Variants in GAREM2 observed in about 807,000 individuals in gnomAD.
GAREM2 encodes the protein GRB2-associated and regulator of MAPK protein 2.
In GAREM2, 30 loss-of-function variants were observed where a neutral mutation model predicts 55.6. The ratio of observed to expected loss-of-function variants is 0.54; its 90% confidence interval spans 0.40 to 0.73. The LOEUF (loss-of-function observed/expected upper bound fraction) is 0.73, where lower values mean the gene tolerates loss of function less well. GAREM2 is among the 30% of genes least tolerant of loss of function. The pLI, the probability that GAREM2 is intolerant of heterozygous loss-of-function variation, is 0.00. For synonymous variants in GAREM2, 550 were observed against 569.1 expected (o/e 0.97, Z 0.48); for missense variants, 1,075 against 1,257.7 (o/e 0.85, Z 2.20).
the GAREM2 span, among the ~76,000 whole-genome samples, chr2:26,196,608 G>T: frequency 3.9e-5 from 6 of 152,252 alleles, no homozygotes; most frequent in Admixed American, 1.3e-4. Flanking sequence ...TTGCTCCCGG[G>T]CAAACCAAGA....
chr2:26,195,272 G>A, the GAREM2 span: 33 of 1,576,516 alleles, frequency 2.1e-5, no homozygotes, highest in African/African-American at 2.7e-5. Context: ...CGGAGAATGC[G>A]GGTGAGGAAC....
chr2:26,190,905 T>C, downstream of GAREM2: 1 of 420,212 alleles, frequency 2.4e-6, no homozygotes, highest in Non-Finnish European at 4.4e-6. Context: ...GTTATGTGTT[T>C]GGCTGGGTGC....
chr2:26,178,280 A>G (rs1004775560), intron 2 of GAREM2, among the ~76,000 whole-genome samples: 1 of 152,254 alleles, frequency 6.6e-6, no homozygotes, highest in African/African-American at 2.4e-5. Context: ...TAAAAAAAGC[A>G]AAAGTTGCCT....
At chr2:26,195,899 C>G in the GAREM2 span, among the ~76,000 whole-genome samples, 1 of 152,150 alleles carries the variant, frequency 6.6e-6, no homozygotes, top group South Asian at 2.1e-4. Context: ...GATTCTGATG[C>G]GTGCTAAGGT....
chr2:26,198,935 C>A, the GAREM2 span, among the ~76,000 whole-genome samples: 1 of 151,292 alleles, frequency 6.6e-6, no homozygotes, highest in South Asian at 2.1e-4. Flanking sequence ...TGCTTTTTCG[C>A]CCAGGCTAGA....
downstream of GAREM2, chr2:26,191,483 C>T: frequency 6.2e-7 from 1 of 1,614,206 alleles, no homozygotes; most frequent in Non-Finnish European, 8.5e-7. Context: ...CGAGACCAAC[C>T]TCCCAGACAA....
chr2:26,194,292 G>A (rs1324058842), downstream of GAREM2, among the ~76,000 whole-genome samples: 1 of 152,172 alleles, frequency 6.6e-6, no homozygotes, highest in Non-Finnish European at 1.5e-5. Context: ...CCTCAGAGAG[G>A]TGCAGAAACA....
chr2:26,188,079 G>A lies in GAREM2; in HGVS notation c.2447G>A (p.Arg816His), dbSNP rs1475278531. Residue 816 changes from arginine to histidine, a missense_variant, in exon 6 of 6, where the codon CGC becomes CAC. Arg to His is a conservative substitution (Grantham distance 29). Around this residue, in one of 6 missense-constraint regions of GAREM2, gnomAD observed 142 missense variants for 172.3 expected, o/e 0.82. Coordinates refer to ENST00000401533, the MANE Select transcript of GAREM2 (RefSeq NM_001168241.2). ...GCACTCTCCCTGGAGGAGGTCTCTC[G>A]CAGTCTGCGTTTCATCGGGCTCTCA... Reference protein sequence around the residue: ...LSALSLEEVSRSLRFIGLSED... With the variant: ...LSALSLEEVSHSLRFIGLSED... 9.0e-6 allele frequency: 14 copies of A among 1,548,530 alleles called. No individual in the cohort carries two copies. Among genetic ancestry groups the A allele is most frequent in the African/African-American group, 6.8e-5 (5 of 72,998 alleles).
rs1056131973 is a variant in GAREM2, at chr2:26,184,437, G to A, written c.589G>A (p.Ala197Thr). The A allele has an allele frequency of 5.0e-5, 74 of 1,478,578 alleles. No individual in the cohort carries two copies. The Admixed American group carries it at 6.4e-4, about 13-fold the overall frequency. The allele number at this position is 1,478,578 out of a possible 1,614,324, so 91.6% of individuals were successfully genotyped here. The change falls in exon 4 of 6, where the codon GCC becomes ACC. Residue 197 changes from alanine to threonine, a missense_variant. Physicochemically the swap from Ala to Thr is moderately conservative, Grantham distance 58. Transcript: ENST00000401533. ...VGGGGPASAG[A>T]AGGTGGGGAR... ...CGGCGGCGGCCCAGCGAGCGCGGGG[G>A]CCGCGGGAGGCACTGGCGGCGGGGG...
At chr2:26,184,117 C>G (rs1253812928) in intron 3 of GAREM2, 116 bp from the exon 4 acceptor site, 3 of 1,451,760 alleles carry the variant, frequency 2.1e-6, no homozygotes, top group South Asian at 2.7e-5. Flanking sequence ...CCATCTAGTC[C>G]GAGCCCCGGG....
the GAREM2 span, among the ~76,000 whole-genome samples, chr2:26,198,370 T>G: frequency 8.7e-4 from 5 of 5,726 alleles, no homozygotes; most frequent in Admixed American, 8.1e-3. Flanking sequence ...CTTATTCATG[T>G]TTTTTTTTTG....
rs1669204090 is a variant in GAREM2 at position 26,185,185 on chromosome 2, C to T, written c.1337C>T (p.Pro446Leu). The T allele has an allele frequency of 4.6e-6, 7 of 1,511,052 alleles. No homozygotes were observed. The highest frequency in any genetic ancestry group is 2.7e-5 in the East Asian group (1 of 37,448). 93.6% of individuals were successfully genotyped at this position (1,511,052 alleles called of 1,614,324 possible). A position where few individuals can be genotyped will look rare whatever the true frequency, so the allele number is the denominator to read the frequency against. The change falls in exon 4 of 6, where the codon CCA (proline) becomes CTA (leucine). Residue 446 changes from proline (P) to leucine (L), a missense_variant. Pro to Leu is a moderately conservative substitution (Grantham distance 98). Around this residue, in one of 6 missense-constraint regions of GAREM2, gnomAD observed 515 missense variants for 501.5 expected, o/e 1.03. Transcript: ENST00000401533. ...QGPEGLVRPPPGLDLISFGAA... is the reference protein window; with the variant it reads ...QGPEGLVRPPLGLDLISFGAA... The stretch of plus-strand genomic sequence containing the variant: ...CCCGAGGGCCTCGTCCGGCCGCCCC[C>T]AGGGCTCGATCTCATCTCCTTCGGG...
rs72849148 is a variant in GAREM2 at position 26,188,364 on chromosome 2, G to A, written c.*107G>A. On this transcript the variant is annotated 3_prime_UTR_variant, in exon 6 of 6. Transcript: ENST00000401533. The stretch of plus-strand genomic sequence containing the variant: ...CAAGAAGGATCTATGTCGAGACTGA[G>A]GCTGCTCAGCAGCCACTGGGTGGAT... 590 of 886,250 alleles carry A rather than the reference G, an allele frequency of 6.7e-4. 2 individuals carry two copies. The African/African-American group carries it at 9.1e-3, about 14-fold the overall frequency. The allele number at this position is 886,250 out of a possible 1,614,324, so 54.9% of individuals were successfully genotyped here.
intron 4 of GAREM2, 29 bp downstream of exon 4, chr2:26,185,305 C>T (rs1042914524): frequency 1.3e-6 from 2 of 1,483,020 alleles, no homozygotes; most frequent in African/African-American, 1.5e-5. Context: ...GGCCGAGTCC[C>T]GGGTCCAGCC....
intron 2 of GAREM2, among the ~76,000 whole-genome samples, chr2:26,180,543 C>T (rs561491914): frequency 1.3e-5 from 2 of 152,344 alleles, no homozygotes; most frequent in South Asian, 2.1e-4. Context: ...TTGGCCTCTC[C>T]AGGATCTGCC....
intron 2 of GAREM2, among the ~76,000 whole-genome samples, chr2:26,177,412 A>G (rs182372563): frequency 1.1e-4 from 17 of 152,326 alleles, no homozygotes; most frequent in African/African-American, 3.8e-4. Context: ...TTTCATCCTC[A>G]TGGCAACCTG....
Position 26,184,392 on chromosome 2 carries a change from G to C in GAREM2, c.544G>C (p.Gly182Arg), listed in dbSNP as rs937687152. ...TTLLRKLGRA[G>R]ALAGVGGGGP... ...CCTCCTGCGAAAGCTGGGCCGGGCC[G>C]GGGCGCTGGCCGGGGTGGGCGGCGG... The change falls in exon 4 of 6, where the codon GGG (glycine) becomes CGG (arginine). Residue 182 changes from glycine to arginine, a missense_variant. Physicochemically the swap from Gly to Arg is moderately radical, Grantham distance 125. Around this residue, in one of 6 missense-constraint regions of GAREM2, gnomAD observed 230 missense variants for 310.6 expected, o/e 0.74. Coordinates refer to ENST00000401533, the MANE Select transcript of GAREM2 (RefSeq NM_001168241.2). 3 of 1,528,354 alleles carry C rather than the reference G, an allele frequency of 2.0e-6. No individual in the cohort carries two copies. Among genetic ancestry groups the C allele is most frequent in the African/African-American group, 2.8e-5 (2 of 70,966 alleles). 94.7% of individuals were successfully genotyped at this position (1,528,354 alleles called of 1,614,324 possible).
intron 1 of GAREM2, among the ~76,000 whole-genome samples, chr2:26,174,793 G>A (rs1484072551): frequency 2.6e-5 from 4 of 152,178 alleles, no homozygotes; most frequent in African/African-American, 4.8e-5. Flanking sequence ...CCCCTTGGCC[G>A]GAGACTGAGT....
At chr2:26,192,918 G>A (rs1669553184), downstream of GAREM2, among the ~76,000 whole-genome samples, 1 of 152,164 alleles carries the variant, frequency 6.6e-6, no homozygotes, top group South Asian at 2.1e-4. Flanking sequence ...CGGAGCTTGG[G>A]CATCTGTGTA....
Sources: allele counts gnomAD v4.1 joint callset (sites outside exome capture counted in the v4.1 genomes callset), GRCh38; gene constraint gnomAD v4.1.1; regional missense constraint gnomAD v4.1.1; transcripts MANE v1.5; gene names NCBI Gene and HGNC (gene_info 2026-07-23, HGNC 2026-07-21).